The following CUX1 variants were observed in gnomAD, a reference collection of about 807,000 sequenced individuals.
The protein encoded by CUX1 is protein CASP.
Under a neutral mutation model 158.8 loss-of-function variants are expected in CUX1, and 31 were observed. The ratio of observed to expected loss-of-function variants is 0.20; its 90% CI spans 0.15 to 0.26. CUX1 has a LOEUF of 0.26. Ranked by LOEUF, CUX1 falls within the 10% of genes least tolerant of loss-of-function variation. The pLI, the probability that CUX1 is intolerant of heterozygous loss-of-function variation, is 1.00. For missense variants in CUX1, 1,589 were observed against 2,014.6 expected (o/e 0.79, Z 4.04); for synonymous variants, 879 against 862.1 (o/e 1.02, Z -0.34).
At chr7:102,182,891 G>C (rs568595695) in intron 11 of CUX1, among the ~76,000 whole-genome samples, 10 of 152,186 alleles carry the variant, frequency 6.6e-5, no homozygotes, top group Non-Finnish European at 1.3e-4. Context: ...AAGAACACCA[G>C]TCTCCCAGAA....
intron 3 of CUX1, among the ~76,000 whole-genome samples, chr7:102,028,496 G>T (rs1365994164): frequency 6.6e-6 from 1 of 152,178 alleles, no homozygotes; most frequent in Non-Finnish European, 1.5e-5. Context: ...GCTGGTCTGG[G>T]GCTGCCACTG....
At chr7:102,216,657 TC>T (rs1563425896) in intron 20 of CUX1, among the ~76,000 whole-genome samples, 1 of 33,568 alleles carries the variant, frequency 3.0e-5, no homozygotes, top group South Asian at 1.3e-3. Flanking sequence ...ACACACACTC[TC>T]CCACACACAC....
intron 11 of CUX1, among the ~76,000 whole-genome samples, chr7:102,187,436 G>A (rs1793747990): frequency 6.6e-6 from 1 of 152,104 alleles, no homozygotes; most frequent in South Asian, 2.1e-4. Flanking sequence ...AGTAATTGCT[G>A]TTATTCCCAT....
At chr7:102,019,882 C>T (rs534337411) in intron 2 of CUX1, among the ~76,000 whole-genome samples, 4 of 152,124 alleles carry the variant, frequency 2.6e-5, no homozygotes, top group South Asian at 2.1e-4. Flanking sequence ...GCATTTTATC[C>T]GACTACAAAA....
At chr7:102,136,137 T>C (rs1456116611) in intron 8 of CUX1, among the ~76,000 whole-genome samples, 1 of 152,202 alleles carries the variant, frequency 6.6e-6, no homozygotes, top group East Asian at 1.9e-4. Context: ...TGATGATTTC[T>C]TCCCCCAACA....
At chr7:102,019,033 C>T (rs1420366322) in intron 2 of CUX1, among the ~76,000 whole-genome samples, 1 of 152,156 alleles carries the variant, frequency 6.6e-6, no homozygotes, top group African/African-American at 2.4e-5. Context: ...GGCATCCAGG[C>T]TCCACCATAA....
chr7:102,229,207 T>C (rs1314341897), intron 21 of CUX1, among the ~76,000 whole-genome samples: 1 of 151,868 alleles, frequency 6.6e-6, no homozygotes, highest in Non-Finnish European at 1.5e-5. Flanking sequence ...TGGCACATGC[T>C]CTAGCCCCCT....
intron 1 of CUX1, among the ~76,000 whole-genome samples, chr7:101,879,161 C>T (rs1799458251): frequency 3.9e-5 from 6 of 152,162 alleles, no homozygotes; most frequent in Admixed American, 2.0e-4. Context: ...GGACACTGTT[C>T]CCTGCAGCTG....
intron 6 of CUX1, 107 bp from the exon 7 acceptor site, chr7:102,111,591 T>C: frequency 9.7e-7 from 1 of 1,034,458 alleles, no homozygotes; most frequent in Non-Finnish European, 1.5e-6. Flanking sequence ...GTGGTGCGCC[T>C]GCCGCCAGCT....
At chr7:102,140,148 G>A (rs1417569358) in intron 8 of CUX1, among the ~76,000 whole-genome samples, 1 of 152,238 alleles carries the variant, frequency 6.6e-6, no homozygotes, top group African/African-American at 2.4e-5. Flanking sequence ...TGGGGAAGAT[G>A]ACTTCTAAGG....
At position 102,201,500 on chromosome 7, in the gene CUX1, C is replaced by G; in HGVS notation, c.2203C>G (p.Gln735Glu). Residue 735 changes from glutamine to glutamate, a missense_variant, in exon 18 of 24, where the codon CAG becomes GAG. Physicochemically the swap from Gln to Glu is conservative, Grantham distance 29. This residue lies in a region of CUX1 where 337 missense variants were observed against 409.3 expected (regional missense o/e 0.82). Coordinates refer to ENST00000292535, the MANE Select transcript of CUX1 (RefSeq NM_181552.4). This position sits in a 1 kb window ranked among gnomAD's most constrained non-coding sequence, Gnocchi z 5.0. ...TGCCTTAAAGCAGGCACCACTGTCC[C>G]AGAGTGACATCACCATCCTCACCCC... ...DPALKQAPLSQSDITILTPKL... is the reference protein window; with the variant it reads ...DPALKQAPLSESDITILTPKL... The G allele has an allele frequency of 6.2e-7, 1 of 1,614,200 alleles. No individual in the cohort carries two copies. The highest frequency in any genetic ancestry group is 2.2e-5 in the East Asian group (1 of 44,874).
intron 1 of CUX1, among the ~76,000 whole-genome samples, chr7:101,887,188 C>G (rs946381522): frequency 6.6e-6 from 1 of 152,172 alleles, no homozygotes. Context: ...GGGGCAGCCC[C>G]TGAATAGGGC....
intron 23 of CUX1, among the ~76,000 whole-genome samples, chr7:102,242,603 T>A (rs999256278): frequency 1.3e-5 from 2 of 152,214 alleles, no homozygotes; most frequent in East Asian, 3.8e-4. Context: ...ACGCTTTCTA[T>A]AATATAGACA....
At chr7:102,063,112 T>A (rs1825116867) in intron 3 of CUX1, among the ~76,000 whole-genome samples, 1 of 121,092 alleles carries the variant, frequency 8.3e-6, no homozygotes, top group Non-Finnish European at 1.7e-5. Context: ...TCTAAATAAA[T>A]AAATAAATGT....
intron 1 of CUX1, among the ~76,000 whole-genome samples, chr7:101,844,207 C>T (rs948532042): frequency 6.6e-6 from 1 of 151,074 alleles, no homozygotes; most frequent in African/African-American, 2.4e-5. Flanking sequence ...CCCCCAACCC[C>T]AGCAGCTTCT....
chr7:102,024,784 A>G (rs985284532), intron 2 of CUX1, among the ~76,000 whole-genome samples: 18 of 151,900 alleles, frequency 1.2e-4, no homozygotes, highest in African/African-American at 4.3e-4. Context: ...TTCCCTTGTT[A>G]CCCTTTGTGT....
At position 102,239,401 on chromosome 7, in the gene CUX1, G is replaced by A. The variant is rs782238222; in HGVS notation, c.3704G>A (p.Gly1235Asp). The change falls in exon 23 of 24, where the codon GGC becomes GAC. Residue 1235 changes from glycine to aspartate, a missense_variant. Physicochemically the swap from Gly to Asp is moderately conservative, Grantham distance 94. Around this residue, in one of 8 missense-constraint regions of CUX1, gnomAD observed 259 missense variants for 373.8 expected, o/e 0.69. Transcript: ENST00000292535. ...PPSVGTEYSQ[G>D]ASPQPQHQLK... ...TCTGTCGGCACCGAGTACAGCCAGG[G>A]CGCCAGCCCCCAGCCCCAGCACCAG... 2 of 1,613,432 alleles carry A rather than the reference G, an allele frequency of 1.2e-6. No homozygotes were observed. Among genetic ancestry groups the A allele is most frequent in the Non-Finnish European group, 1.7e-6 (2 of 1,179,936 alleles).
intron 2 of CUX1, among the ~76,000 whole-genome samples, chr7:102,006,466 G>A (rs1389453583): frequency 6.6e-6 from 1 of 151,466 alleles, no homozygotes; most frequent in Non-Finnish European, 1.5e-5. Flanking sequence ...GCACGATATC[G>A]GCTCACTGCA....
At chr7:102,236,045 C>T (rs542800206) in intron 22 of CUX1, among the ~76,000 whole-genome samples, 8 of 152,326 alleles carry the variant, frequency 5.3e-5, no homozygotes, top group East Asian at 3.9e-4. Context: ...TTCATCCACA[C>T]GACTCTGCTT....
Sources: allele counts gnomAD v4.1 joint callset (sites outside exome capture counted in the v4.1 genomes callset), GRCh38; gene constraint gnomAD v4.1.1; regional missense constraint gnomAD v4.1.1; non-coding constraint Gnocchi (gnomAD v3.1); transcripts MANE v1.5; gene names NCBI Gene and HGNC (gene_info 2026-07-23, HGNC 2026-07-21).